KDM7A: variants seen among roughly 807,000 people sequenced by gnomAD.
KDM7A encodes lysine demethylase 7A, also known as lysine-specific demethylase 7A.
Under a neutral mutation model 114.8 loss-of-function variants are expected in KDM7A, and 28 were observed. That is an observed-to-expected ratio of 0.24 (90% CI 0.18 to 0.33). The LOEUF (loss-of-function observed/expected upper bound fraction) is 0.33, where lower values mean the gene tolerates loss of function less well. KDM7A is among the 10% of genes least tolerant of loss of function. The pLI is 1.00. For missense variants in KDM7A, 942 were observed against 1,142.5 expected, an observed-to-expected ratio of 0.82 and a Z score of 2.53; for synonymous variants, 423 against 397.8, an observed-to-expected ratio of 1.06 and a Z score of -0.75.
intron 9 of KDM7A, among the ~76,000 whole-genome samples, chr7:140,114,611 GTC>G (rs1818487358): frequency 6.6e-6 from 1 of 151,608 alleles, no homozygotes; most frequent in Non-Finnish European, 1.5e-5. Context: ...AGTGAGGAGC[GTC>G]TCTGACTGGC....
intron 2 of KDM7A, among the ~76,000 whole-genome samples, chr7:140,136,708 G>A (rs930655074): frequency 6.6e-6 from 1 of 152,158 alleles, no homozygotes; most frequent in Non-Finnish European, 1.5e-5. Flanking sequence ...GGAAACCCAG[G>A]TAGCAAGTAA....
At chr7:140,137,585 T>C (rs1334157013) in intron 2 of KDM7A, among the ~76,000 whole-genome samples, 2 of 152,196 alleles carry the variant, frequency 1.3e-5, no homozygotes, top group Non-Finnish European at 2.9e-5. Flanking sequence ...AGAAAAATCA[T>C]TTAAAAACAT....
At chr7:140,104,018 T>C (rs1375837653) in intron 11 of KDM7A, among the ~76,000 whole-genome samples, 2 of 152,252 alleles carry the variant, frequency 1.3e-5, no homozygotes, top group African/African-American at 2.4e-5. Context: ...TGGTGTGAGA[T>C]GGTATCTCAT....
chr7:140,138,913 TC>T (rs1228226639), intron 2 of KDM7A, among the ~76,000 whole-genome samples, 191 bp downstream of exon 2: 9 of 152,150 alleles, frequency 5.9e-5, no homozygotes, highest in African/African-American at 1.4e-4. Context: ...ACAGTACATT[TC>T]CCCCCTTAAT....
intron 17 of KDM7A, among the ~76,000 whole-genome samples, chr7:140,094,950 C>T (rs536119155): frequency 7.9e-5 from 12 of 152,266 alleles, no homozygotes; most frequent in Admixed American, 2.0e-4. Context: ...CAGGTTCAAG[C>T]GATTCTCCTG....
At chr7:140,164,879 C>A (rs1019281762) in intron 1 of KDM7A, among the ~76,000 whole-genome samples, 1 of 152,102 alleles carries the variant, frequency 6.6e-6, no homozygotes, top group African/African-American at 2.4e-5. Flanking sequence ...GGATACTATT[C>A]GGTCTACTTC....
chr7:140,111,234 A>G (rs781781086), intron 10 of KDM7A, 50 bp from the exon 11 acceptor site: 2 of 1,245,166 alleles, frequency 1.6e-6, no homozygotes, highest in South Asian at 2.6e-5. Flanking sequence ...TTACACTTTA[A>G]TATGTAAAAA....
At chr7:140,092,319 C>T (rs910174766) in intron 18 of KDM7A, among the ~76,000 whole-genome samples, 4 of 152,156 alleles carry the variant, frequency 2.6e-5, no homozygotes, top group African/African-American at 4.8e-5. Flanking sequence ...GAGAAAACAA[C>T]GTAAACAGGC....
chr7:140,168,175 C>T (rs1156257796), intron 1 of KDM7A, among the ~76,000 whole-genome samples: 3 of 152,186 alleles, frequency 2.0e-5, no homozygotes, highest in African/African-American at 7.2e-5. Context: ...ACTGGTCCAA[C>T]CATTCTAGAG....
intron 11 of KDM7A, among the ~76,000 whole-genome samples, chr7:140,105,746 T>C (rs1255707222): frequency 2.0e-5 from 3 of 152,222 alleles, no homozygotes; most frequent in Non-Finnish European, 2.9e-5. Flanking sequence ...TGGTCTAAAA[T>C]TCTCTTTTTT....
chr7:140,123,764 T>C (rs1051741564), intron 7 of KDM7A, among the ~76,000 whole-genome samples: 6 of 152,284 alleles, frequency 3.9e-5, no homozygotes, highest in South Asian at 2.1e-4. Context: ...TAATGATACA[T>C]GCTACAACAT....
intron 8 of KDM7A, 34 bp downstream of exon 8, chr7:140,120,408 G>C (rs1818599820): frequency 2.3e-6 from 3 of 1,295,368 alleles, no homozygotes; most frequent in Admixed American, 1.8e-5. Flanking sequence ...TTTTAAAAAG[G>C]ACAAAAGGTC....
At chr7:140,154,500 A>T (rs1328245265) in intron 1 of KDM7A, among the ~76,000 whole-genome samples, 22 of 103,278 alleles carry the variant, frequency 2.1e-4, no homozygotes, top group African/African-American at 7.6e-4. Flanking sequence ...TCTTAAAATT[A>T]AAAAAAAAAA....
intron 1 of KDM7A, among the ~76,000 whole-genome samples, chr7:140,152,925 T>C (rs1017015075): frequency 3.9e-5 from 6 of 151,972 alleles, no homozygotes; most frequent in African/African-American, 1.4e-4. Flanking sequence ...AATGGCACCA[T>C]CTCAGCTCAC....
chr7:140,092,146 A>C, intron 18 of KDM7A, 69 bp from the exon 19 acceptor site: 1 of 1,440,076 alleles, frequency 6.9e-7, no homozygotes, highest in Non-Finnish European at 9.6e-7. Flanking sequence ...CTCTCTATGC[A>C]TTGGCAAAGT....
chr7:140,113,626 G>T, intron 9 of KDM7A, 44 bp from the exon 10 acceptor site: 2 of 1,061,920 alleles, frequency 1.9e-6, no homozygotes, highest in African/African-American at 1.6e-5. Flanking sequence ...TAGTTAAAAT[G>T]TTCTAAAGTT....
intron 11 of KDM7A, among the ~76,000 whole-genome samples, chr7:140,107,530 A>C (rs984552503): frequency 2.0e-5 from 3 of 152,168 alleles, no homozygotes; most frequent in Non-Finnish European, 2.9e-5. Flanking sequence ...TTCACTTATG[A>C]AGCTTAGTTT....
intron 12 of KDM7A, among the ~76,000 whole-genome samples, chr7:140,101,463 G>C (rs1466324464): frequency 6.6e-6 from 1 of 152,116 alleles, no homozygotes; most frequent in Non-Finnish European, 1.5e-5. Context: ...TCAGCTGTCG[G>C]TTCAAACCTG....
chr7:140,156,496 C>G (rs75830188), intron 1 of KDM7A, among the ~76,000 whole-genome samples: 3,728 of 152,170 alleles, frequency 0.024, 160 homozygotes, highest in African/African-American at 0.085. Context: ...TGCAGGCATT[C>G]AGATGGGAAG....
Sources: allele counts gnomAD v4.1 joint callset (sites outside exome capture counted in the v4.1 genomes callset), GRCh38; gene constraint gnomAD v4.1.1; transcripts MANE v1.5; gene names NCBI Gene and HGNC (gene_info 2026-07-23, HGNC 2026-07-21).